The following PQBP1 variants were observed in gnomAD, a reference collection of about 807,000 sequenced individuals.
The protein encoded by PQBP1 is polyglutamine-binding protein 1.
PQBP1 carries 3 observed loss-of-function variants against 20.9 expected under a neutral mutation model. That is an observed-to-expected ratio of 0.14 (90% confidence interval 0.07 to 0.37). The LOEUF is 0.37. PQBP1 is among the 10% of genes least tolerant of loss of function. PQBP1 has a pLI of 1.00. For synonymous variants in PQBP1, 83 were observed against 93.8 expected, an observed-to-expected ratio of 0.88 and a Z score of 0.67; for missense variants, 162 against 240.3, an observed-to-expected ratio of 0.67 and a Z score of 2.16.
At chrX:48,901,414 T>A in intron 3 of PQBP1, 113 bp downstream of exon 3, 1 of 1,151,536 alleles carries the variant, frequency 8.7e-7, no homozygotes, top group Non-Finnish European at 1.2e-6. Context: ...GGTGTTGGCA[T>A]TAGGTATCTG....
chrX:48,902,198 G>A, intron 4 of PQBP1, 35 bp from the exon 5 acceptor site: 1 of 1,210,790 alleles, frequency 8.3e-7, no homozygotes, highest in Non-Finnish European at 1.1e-6. Context: ...GGGTCCTGGG[G>A]TGGCAAGAGG....
At chrX:48,902,143 G>A (rs1206243357) in intron 4 of PQBP1, 90 bp from the exon 5 acceptor site, 4 of 1,205,411 alleles carry the variant, frequency 3.3e-6, no homozygotes, top group Non-Finnish European at 4.5e-6. Flanking sequence ...GAGACCAGGC[G>A]GGCCCAGCCT....
chrX:48,901,583 A>C, intron 3 of PQBP1: 1 of 532,190 alleles, frequency 1.9e-6, no homozygotes, highest in Non-Finnish European at 3.1e-6. Flanking sequence ...GGTTCAAGCG[A>C]TTCTCCTGTC....
intron 2 of PQBP1, 71 bp from the exon 3 acceptor site, chrX:48,901,119 C>T: frequency 8.5e-7 from 1 of 1,171,007 alleles, no homozygotes; most frequent in South Asian, 1.9e-5. Flanking sequence ...GTGCGTGTCT[C>T]TAGGCTCTAC....
At chrX:48,901,423 T>C (rs2063408066) in intron 3 of PQBP1, 122 bp downstream of exon 3, 2 of 1,143,486 alleles carry the variant, frequency 1.7e-6, no homozygotes, top group Non-Finnish European at 2.3e-6. Context: ...ATTAGGTATC[T>C]GCAGGACTCA....
In PQBP1 at chrX:48,898,574, C is replaced by G. The variant is rs782093663; in HGVS notation, c.65C>G (p.Pro22Arg). ...AKRGILKHLE[P>R]EPEEEIIAED... ...AGAGGCATCCTCAAACATCTGGAGCCTGGTGAGACAGCTAAAAGCAGATGG... is the reference window on the plus strand; with the variant it reads ...AGAGGCATCCTCAAACATCTGGAGCGTGGTGAGACAGCTAAAAGCAGATGG... Residue 22 changes from proline to arginine, a missense_variant and splice_region_variant, in exon 2 of 7, where the codon CCT (proline) becomes CGT (arginine). By Grantham distance (103) the Pro-to-Arg change is moderately radical. Coordinates refer to ENST00000447146, the MANE Select transcript of PQBP1 (RefSeq NM_001032382.2). The G allele has an allele frequency of 4.1e-6, 5 of 1,206,682 alleles. No individual in the cohort carries two copies. In the East Asian group the frequency reaches 1.5e-4, roughly 36 times the overall value.
At chrX:48,898,334 C>T in intron 1 of PQBP1, 158 bp from the exon 2 acceptor site, 1 of 618,578 alleles carries the variant, frequency 1.6e-6, no homozygotes, top group Non-Finnish European at 2.7e-6. Context: ...CCACCTACCT[C>T]TTACATCTTT....
chrX:48,903,065 G>A lies in PQBP1; in HGVS notation c.779G>A (p.Arg260Gln), dbSNP rs1557041940. 1.7e-6 allele frequency: 2 copies of A among 1,206,237 alleles called. No homozygotes were observed. Among genetic ancestry groups the A allele is most frequent in the East Asian group, 3.0e-5 (1 of 33,675 alleles). ...AVLRANAEAS[R>Q]TKQQD ...CTCCGGGCCAATGCAGAGGCCTCCCGAACCAAGCAGCAGGATTGAAGCTTC... is the reference window on the plus strand; with the variant it reads ...CTCCGGGCCAATGCAGAGGCCTCCCAAACCAAGCAGCAGGATTGAAGCTTC... The change falls in exon 7 of 7, where the codon CGA becomes CAA. Residue 260 changes from arginine to glutamine, a missense_variant. By Grantham distance (43) the Arg-to-Gln change is conservative. Transcript: ENST00000447146.
At position 48,898,065 on chromosome X, in the gene PQBP1, A is replaced by G; in HGVS notation, c.-36A>G. The G allele has an allele frequency of 7.0e-5, 72 of 1,035,834 alleles. No homozygotes were observed. The highest frequency in any genetic ancestry group is 8.9e-5 in the Non-Finnish European group (72 of 809,378). 85.4% of individuals were successfully genotyped at this position (1,035,834 alleles called of 1,213,427 possible). On this transcript the variant is annotated 5_prime_UTR_variant, in exon 1 of 7. Transcript: ENST00000447146. ...ACGGGCGGTGTGACAGCCTTCCACTACCTGCACGAGTGTATTGGTAACGTT... is the reference window on the plus strand; with the variant it reads ...ACGGGCGGTGTGACAGCCTTCCACTGCCTGCACGAGTGTATTGGTAACGTT...
At chrX:48,900,108 G>A (rs2063382324) in intron 2 of PQBP1, among the ~76,000 whole-genome samples, 2 of 107,461 alleles carry the variant, frequency 1.9e-5, no homozygotes. Context: ...AAACTTAGCC[G>A]GGCGTGGTGC....
intron 3 of PQBP1, chrX:48,901,662 A>G: frequency 2.2e-6 from 1 of 458,685 alleles, no homozygotes; most frequent in South Asian, 3.1e-5. Context: ...TATTTTTTGT[A>G]GAGATGGGGT....
At chrX:48,898,268 C>T in intron 1 of PQBP1, 186 bp downstream of exon 1, 1 of 718,722 alleles carries the variant, frequency 1.4e-6, no homozygotes, top group Non-Finnish European at 2.1e-6. Flanking sequence ...AGGAACAGGG[C>T]CCTGGAGCAC....
rs190619191 is a variant in PQBP1 at position 48,900,418 on chromosome X, C to T, written c.68-772C>T. On this transcript the variant is annotated intron_variant, in intron 2 of 6. Transcript: ENST00000447146. ...AAGCGATTCTCCTGCCTCAGCCTCC[C>T]GAGTAGCTAGGACCACAGGCGTGCT... Among the ~76,000 whole-genome samples the T allele has an allele frequency of 6.9e-3, 692 of 100,228 alleles. 2 individuals carry two copies. Among genetic ancestry groups the T allele is most frequent in the Non-Finnish European group, 0.01 (498 of 49,447 alleles). The allele number at this position is 100,228 out of a possible 115,157, so 87.0% of individuals were successfully genotyped here.
Position 48,901,177 on chromosome X carries a change from C to G in PQBP1, c.68-13C>G. The G allele has an allele frequency of 8.3e-7, 1 of 1,204,928 alleles. No individual in the cohort carries two copies. Among genetic ancestry groups the G allele is most frequent in the Non-Finnish European group, 1.1e-6 (1 of 892,063 alleles). ...CCTTATCTGCTCTCCTCATCCCCAC[C>G]TTGTTCTACCAGAACCAGAGGAAGA... On this transcript the variant is annotated splice_polypyrimidine_tract_variant and intron_variant, in intron 2 of 6. Coordinates refer to ENST00000447146, the MANE Select transcript of PQBP1 (RefSeq NM_001032382.2).
chrX:48,901,714 G>A lies in PQBP1; in HGVS notation c.180-216G>A, dbSNP rs1038478441. On this transcript the variant is annotated intron_variant, in intron 3 of 6. Coordinates refer to ENST00000447146, the MANE Select transcript of PQBP1 (RefSeq NM_001032382.2). ...GGCTGGTCCCGAACTCCTGACCTCA[G>A]GTGATCCGCCTGCCTCGGCCTCCCA... is the stretch of plus-strand genomic sequence containing the variant. 8.1e-5 allele frequency: 49 copies of A among 604,064 alleles called. No homozygotes were observed. In the African/African-American group the frequency reaches 1.0e-3, roughly 13 times the overall value. The allele number at this position is 604,064 out of a possible 1,213,427, so 49.8% of individuals were successfully genotyped here.
rs2063435670 is a variant in PQBP1, at chrX:48,902,466, C to A, written c.526C>A (p.Arg176=). The change falls in exon 5 of 7, where the codon CGG becomes AGG. Residue 176 remains arginine, a synonymous_variant. Coordinates refer to ENST00000447146, the MANE Select transcript of PQBP1 (RefSeq NM_001032382.2). ...GGCAGACCGGGAAGAGGGCAAAGAA[C>A]GGCGCCACCATCGCCGGGAGGAGCT... ...DKADREEGKE[R]RHHRREELAP... 1.7e-6 allele frequency: 2 copies of A among 1,207,900 alleles called. No individual in the cohort carries two copies. The highest frequency in any genetic ancestry group is 2.2e-6 in the Non-Finnish European group (2 of 894,076).
intron 2 of PQBP1, among the ~76,000 whole-genome samples, chrX:48,899,938 C>T (rs782770629): frequency 6.3e-4 from 70 of 111,861 alleles, no homozygotes; most frequent in Admixed American, 2.3e-3. Flanking sequence ...AGGTATAGAC[C>T]TTGTGGTTAA....
At chrX:48,901,887 G>C in intron 3 of PQBP1, 43 bp from the exon 4 acceptor site, 1 of 1,209,426 alleles carries the variant, frequency 8.3e-7, no homozygotes, top group Non-Finnish European at 1.1e-6. Flanking sequence ...AGGATCCAAG[G>C]CAAGGACATC....
In PQBP1 at chrX:48,898,785, CTTTTTTTTTTTTTTT is replaced by C. The variant is rs34214032; in HGVS notation, c.67+234_67+248del. Among the ~76,000 whole-genome samples the C allele has an allele frequency of 6.2e-3, 134 of 21,481 alleles. 1 individual carries two copies. Among genetic ancestry groups the C allele is most frequent in the Non-Finnish European group, 8.6e-3 (111 of 12,918 alleles). 18.7% of individuals were successfully genotyped at this position (21,481 alleles called of 115,157 possible). ...GGGTTGGGGGAATAGATATTTCATT[CTTTTTTTTTTTTTTT>C]TTTTTTTTTTTTTTTTTTTTTTTTG... On this transcript the variant is annotated intron_variant, in intron 2 of 6. Coordinates refer to ENST00000447146, the MANE Select transcript of PQBP1 (RefSeq NM_001032382.2).
Sources: gnomAD v4.1 joint callset for allele counts (sites outside exome capture counted in the v4.1 genomes callset) on GRCh38, gnomAD v4.1.1 for gene constraint, MANE v1.5 for transcripts, NCBI Gene and HGNC (gene_info 2026-07-23, HGNC 2026-07-21) for gene names.